The following LDLRAD3 variants were observed in gnomAD, a reference collection of about 807,000 sequenced individuals.
The protein encoded by LDLRAD3 is low density lipoprotein receptor class A domain containing 3, also known as low-density lipoprotein receptor class A domain-containing protein 3.
In LDLRAD3, 20 loss-of-function variants were observed where a neutral mutation model predicts 29.4. The observed-to-expected ratio is 0.68, with a 90% confidence interval of 0.48 to 0.99. LDLRAD3 has a LOEUF of 0.99. Ranked by LOEUF, LDLRAD3 falls within the 50% of genes least tolerant of loss-of-function variation. The pLI, the probability that LDLRAD3 is intolerant of heterozygous loss-of-function variation, is 0.00. For missense variants in LDLRAD3, 420 were observed against 454.3 expected, an observed-to-expected ratio of 0.92 and a Z score of 0.69; for synonymous variants, 157 against 192.7, an observed-to-expected ratio of 0.81 and a Z score of 1.53.
At chr11:36,004,626 G>A (rs1437944149) in intron 1 of LDLRAD3, among the ~76,000 whole-genome samples, 1 of 152,164 alleles carries the variant, frequency 6.6e-6, no homozygotes, top group Non-Finnish European at 1.5e-5. Flanking sequence ...AGCTCTACTA[G>A]GCAGTGCCCC....
chr11:36,026,755 C>T (rs1304691437), intron 1 of LDLRAD3, among the ~76,000 whole-genome samples: 1 of 152,214 alleles, frequency 6.6e-6, no homozygotes, highest in Admixed American at 6.5e-5. Flanking sequence ...TAACAGTTTC[C>T]AAATGCCATA....
At chr11:36,210,332 A>G (rs1388999034) in intron 4 of LDLRAD3, among the ~76,000 whole-genome samples, 1 of 152,200 alleles carries the variant, frequency 6.6e-6, no homozygotes, top group Non-Finnish European at 1.5e-5. Context: ...TGTTGGCAAC[A>G]GAAGACTTTG....
chr11:36,191,499 C>T lies in LDLRAD3; in HGVS notation c.455-35586C>T, dbSNP rs536455331. Among the ~76,000 whole-genome samples, 5 of 149,558 alleles carry T rather than the reference C, an allele frequency of 3.3e-5. 1 individual carries two copies. The highest frequency in any genetic ancestry group is 9.9e-5 in the African/African-American group (4 of 40,594). ...TTGAGGCTGTGGTGAGCTATGAGCG[C>T]GCCACTGCACTCTAGCCTGGGTGAC... On this transcript the variant is annotated intron_variant, in intron 4 of 5. Coordinates refer to ENST00000315571, the MANE Select transcript of LDLRAD3 (RefSeq NM_174902.4).
At chr11:36,161,738 T>C (rs1338025525) in intron 4 of LDLRAD3, among the ~76,000 whole-genome samples, 1 of 152,198 alleles carries the variant, frequency 6.6e-6, no homozygotes, top group Non-Finnish European at 1.5e-5. Context: ...GCCACTAAAT[T>C]TAGCCACTGT....
intron 4 of LDLRAD3, among the ~76,000 whole-genome samples, chr11:36,208,337 G>A (rs1855238537): frequency 6.6e-6 from 1 of 152,214 alleles, no homozygotes; most frequent in Non-Finnish European, 1.5e-5. Flanking sequence ...CAGTTCTGGA[G>A]CCTGGGAAGT....
At chr11:35,962,501 G>A (rs1016540421) in intron 1 of LDLRAD3, among the ~76,000 whole-genome samples, 4 of 152,094 alleles carry the variant, frequency 2.6e-5, no homozygotes, top group Admixed American at 2.0e-4. Context: ...TCCATATGTT[G>A]GTTCCACACT....
At chr11:36,121,274 A>G (rs972058079) in intron 4 of LDLRAD3, among the ~76,000 whole-genome samples, 15 of 152,172 alleles carry the variant, frequency 9.9e-5, no homozygotes, top group African/African-American at 3.4e-4. Context: ...TGCCTAAGTG[A>G]GAGTGATGAC....
At chr11:36,132,946 C>A (rs563290155) in intron 4 of LDLRAD3, among the ~76,000 whole-genome samples, 2 of 152,300 alleles carry the variant, frequency 1.3e-5, no homozygotes, top group Non-Finnish European at 2.9e-5. Context: ...TCAGTTCCCC[C>A]CTTTTGGGGA....
At chr11:35,984,974 A>G (rs1851591132) in intron 1 of LDLRAD3, among the ~76,000 whole-genome samples, 1 of 131,458 alleles carries the variant, frequency 7.6e-6, no homozygotes, top group African/African-American at 3.0e-5. Flanking sequence ...GGGTCCCACT[A>G]TGTGCAGTGG....
intron 4 of LDLRAD3, among the ~76,000 whole-genome samples, chr11:36,179,651 A>G (rs1344212698): frequency 6.6e-6 from 1 of 152,140 alleles, no homozygotes; most frequent in Non-Finnish European, 1.5e-5. Context: ...CCTCATCTGT[A>G]AAATGGGATA....
chr11:35,944,140 C>T lies in LDLRAD3; in HGVS notation c.42C>T (p.Ala14=), dbSNP rs1590670464. The change falls in exon 1 of 6, where the codon GCC becomes GCT. Residue 14 remains alanine, a synonymous_variant. Transcript: ENST00000315571. This position sits in a 1 kb window ranked among gnomAD's most constrained non-coding sequence, Gnocchi z 4.9. ...LGPLCLLLSS[A]AESQLLPGNN... ...CGCTGTGCCTGCTGCTGAGCAGCGC[C>T]GCGGGTGAGTCGGGGGGCGGCCGGC... 3.8e-6 allele frequency: 4 copies of T among 1,044,204 alleles called. No homozygotes were observed. Among genetic ancestry groups the T allele is most frequent in the Non-Finnish European group, 4.6e-6 (4 of 869,496 alleles). The allele number at this position is 1,044,204 out of a possible 1,614,324, so 64.7% of individuals were successfully genotyped here.
chr11:36,116,951 C>A (rs527356347), intron 4 of LDLRAD3, among the ~76,000 whole-genome samples: 3 of 151,518 alleles, frequency 2.0e-5, no homozygotes, highest in Non-Finnish European at 4.4e-5. Flanking sequence ...AACCAATTCT[C>A]GTGCCTCAGC....
chr11:36,201,437 A>AT (rs1276702440), intron 4 of LDLRAD3, among the ~76,000 whole-genome samples: 1 of 152,122 alleles, frequency 6.6e-6, no homozygotes. Flanking sequence ...TGGTAGTGGG[A>AT]TTTTTTTGTT....
intron 1 of LDLRAD3, among the ~76,000 whole-genome samples, chr11:35,974,805 C>T (rs747077892): frequency 5.3e-5 from 8 of 152,210 alleles, no homozygotes; most frequent in Admixed American, 3.9e-4. Flanking sequence ...AGTTGCAAGT[C>T]CTGTCCACAT....
At chr11:36,162,646 C>T (rs1262211156) in intron 4 of LDLRAD3, among the ~76,000 whole-genome samples, 3 of 152,170 alleles carry the variant, frequency 2.0e-5, no homozygotes, top group African/African-American at 4.8e-5. Context: ...GAGCCTTAGC[C>T]GTGAGCTTCT....
At chr11:36,067,566 A>G (rs1052417782) in intron 2 of LDLRAD3, among the ~76,000 whole-genome samples, 1 of 152,226 alleles carries the variant, frequency 6.6e-6, no homozygotes, top group Admixed American at 6.5e-5. Context: ...TGATAAGGAA[A>G]TTGAGGCACA....
At chr11:36,101,837 C>A in intron 4 of LDLRAD3, 1 of 291,498 alleles carries the variant, frequency 3.4e-6, no homozygotes. Flanking sequence ...GATAGTTTGA[C>A]TAGACAAAAT....
rs73448450 is a variant in LDLRAD3 at position 35,993,965 on chromosome 11, A to G, written c.47-42138A>G. Among the ~76,000 whole-genome samples, 435 of 152,302 alleles carry G rather than the reference A, an allele frequency of 2.9e-3. 3 individuals carry two copies. The highest frequency in any genetic ancestry group is 9.5e-3 in the African/African-American group (396 of 41,542). On this transcript the variant is annotated intron_variant, in intron 1 of 5. Transcript: ENST00000315571. ...TCCCACGTTATTTTAAAGGACTCACATAGATTTAAAGGTTTTCTTTTCTCC... is the reference window on the plus strand; with the variant it reads ...TCCCACGTTATTTTAAAGGACTCACGTAGATTTAAAGGTTTTCTTTTCTCC...
intron 1 of LDLRAD3, chr11:35,967,912 G>C: frequency 2.5e-6 from 1 of 392,256 alleles, no homozygotes; most frequent in Non-Finnish European, 5.0e-6. Context: ...TCCAAACACT[G>C]TATGAGCATA....
Sources: allele counts gnomAD v4.1 joint callset (sites outside exome capture counted in the v4.1 genomes callset), GRCh38; gene constraint gnomAD v4.1.1; non-coding constraint Gnocchi (gnomAD v3.1); transcripts MANE v1.5; gene names NCBI Gene and HGNC (gene_info 2026-07-23, HGNC 2026-07-21).